KRT76: variants seen among roughly 807,000 people sequenced by gnomAD.
KRT76 encodes the protein keratin 76.
In KRT76, 47 loss-of-function variants were observed where a neutral mutation model predicts 44.9. That is an observed-to-expected ratio of 1.05 (90% CI 0.83 to 1.33). The LOEUF (loss-of-function observed/expected upper bound fraction) is 1.33. Among genes scored for constraint, KRT76 ranks in the 40% most tolerant of loss-of-function variants. The pLI, the probability that KRT76 is intolerant of heterozygous loss-of-function variation, is 0.00. For synonymous variants in KRT76, 331 were observed against 294.1 expected (o/e 1.13, Z -1.28); for missense variants, 860 against 775.8 (o/e 1.11, Z -1.29).
At position 52,777,308 on chromosome 12, in the gene KRT76, G is replaced by A. The variant is rs1939279590; in HGVS notation, c.-17C>T. 1 of 1,613,570 alleles carries A rather than the reference G, an allele frequency of 6.2e-7. No homozygotes were observed. On this transcript the variant is annotated 5_prime_UTR_variant, in exon 1 of 9. Transcript: ENST00000332411. ...TCTGTTCATAGTGAGAGAGCTTGGA[G>A]GCAAGCTAGTGATCACTTAGCAAGA... is the stretch of plus-strand genomic sequence containing the variant.
rs780550529 is a variant in KRT76 at position 52,772,142 on chromosome 12, C to T, written c.1089G>A (p.Glu363=). Residue 363 remains glutamate (E), a synonymous_variant, in exon 5 of 9, where the codon GAG becomes GAA. Transcript: ENST00000332411. ...IIAEVRAQYE[E]IAQRSKSEAE... ...CTTCAGACTTGCTCCTCTGGGCAATCTCCTCATACTGGGCGCGGACCTCGG... is the reference window on the plus strand; with the variant it reads ...CTTCAGACTTGCTCCTCTGGGCAATTTCCTCATACTGGGCGCGGACCTCGG... 2 of 1,613,524 alleles carry T rather than the reference C, an allele frequency of 1.2e-6. No individual in the cohort carries two copies. The highest frequency in any genetic ancestry group is 1.7e-5 in the Admixed American group (1 of 60,020).
At chr12:52,772,587 C>T (rs1199422029) in intron 4 of KRT76, among the ~76,000 whole-genome samples, 196 bp downstream of exon 4, 1 of 152,164 alleles carries the variant, frequency 6.6e-6, no homozygotes, top group African/African-American at 2.4e-5. Context: ...AGGTGCAGAG[C>T]AAAATGGCCT....
chr12:52,773,757 C>T (rs934417801), intron 2 of KRT76, 115 bp from the exon 3 acceptor site: 18 of 712,636 alleles, frequency 2.5e-5, no homozygotes, highest in Middle Eastern at 4.9e-4. Context: ...TTCATGGGCA[C>T]GTGCAGTTAC....
rs752856882 is a variant in KRT76, at chr12:52,776,821, T to A, written c.471A>T (p.Glu157Asp). The A allele has an allele frequency of 1.9e-6, 3 of 1,613,944 alleles. No individual in the cohort carries two copies. The highest frequency in any genetic ancestry group is 2.5e-6 in the Non-Finnish European group (3 of 1,180,000). Residue 157 changes from glutamate to aspartate, a missense_variant, in exon 1 of 9, where the codon GAA becomes GAT. Coordinates refer to ENST00000332411, the MANE Select transcript of KRT76 (RefSeq NM_015848.4). ...GPGGFPGGIQ[E>D]VIVNQSLLQP... is the part of the protein sequence containing the mutation. ...GCAGGAGACTCTGGTTTACAATCACTTCCTGAATTCCCCCAGGAAAGCCCC... is the reference window on the plus strand; with the variant it reads ...GCAGGAGACTCTGGTTTACAATCACATCCTGAATTCCCCCAGGAAAGCCCC...
chr12:52,771,075 C>G lies in KRT76; in HGVS notation c.1408G>C (p.Glu470Gln), dbSNP rs1344947595. 6.2e-7 allele frequency: 1 copy of G among 1,614,136 alleles called. No homozygotes were observed. Among genetic ancestry groups the G allele is most frequent in the Non-Finnish European group, 8.5e-7 (1 of 1,180,018 alleles). ...AGGGCCAGCTTGACGTTCATCAGCT[C>G]CTGGTAGTCACGCAGGAGCCGAGCC... is the stretch of plus-strand genomic sequence containing the variant. ...DLARLLRDYQ[E>Q]LMNVKLALDV... is the part of the protein sequence containing the mutation. The change falls in exon 7 of 9, where the codon GAG becomes CAG. Residue 470 changes from glutamate (E) to glutamine (Q), a missense_variant. Transcript: ENST00000332411.
At chr12:52,772,029 T>C in intron 5 of KRT76, 33 bp from the exon 6 acceptor site, 1 of 1,610,902 alleles carries the variant, frequency 6.2e-7, no homozygotes, top group Non-Finnish European at 8.5e-7. Context: ...ACGTGGCTTT[T>C]GCAAAGTGTT....
Position 52,769,054 on chromosome 12 carries a change from A to G in KRT76, c.1576T>C (p.Phe526Leu), listed in dbSNP as rs1939139270. 2.7e-6 allele frequency: 2 copies of G among 734,970 alleles called. No homozygotes were observed. 45.5% of individuals were successfully genotyped at this position (734,970 alleles called of 1,614,324 possible). A position where few individuals can be genotyped will look rare whatever the true frequency, so the allele number is the denominator to read the frequency against. Residue 526 changes from phenylalanine to leucine, a missense_variant, in exon 9 of 9, where the codon TTT (phenylalanine) becomes CTT (leucine). Transcript: ENST00000332411. ...CTGCCACTGCCACTGACCCCTCCAA[A>G]AACTCCACGGCTACTGCCAGAGCTG... The part of the protein sequence containing the change: ...SGSSGSSRGV[F>L]GGVSGSGSGG...
chr12:52,776,357 C>T (rs978420002), intron 1 of KRT76, among the ~76,000 whole-genome samples: 2 of 152,216 alleles, frequency 1.3e-5, no homozygotes, highest in Non-Finnish European at 2.9e-5. Context: ...CAAGCAATTG[C>T]TTTTCAGGAG....
Position 52,771,229 on chromosome 12 carries a change from A to G in KRT76, c.1264-10T>C. The stretch of plus-strand genomic sequence containing the variant: ...TCTGCAGGTTGGCATTCTGAGGTAG[A>G]AAATCAATTAGCATAGTGACCCGGA... On this transcript the variant is annotated splice_polypyrimidine_tract_variant and intron_variant, in intron 6 of 8. Coordinates refer to ENST00000332411, the MANE Select transcript of KRT76 (RefSeq NM_015848.4). 1 of 1,613,760 alleles carries G rather than the reference A, an allele frequency of 6.2e-7. No homozygotes were observed. Among genetic ancestry groups the G allele is most frequent in the Non-Finnish European group, 8.5e-7 (1 of 1,179,786 alleles).
Position 52,773,624 on chromosome 12 carries a change from G to A in KRT76, c.834C>T (p.Asn278=). ...ACTCATTCTCTGCGGCAGTGCGTTT[G>A]TTGATTTCATCTTCATACCTGGAAC... ...DFKKKYEDEI[N]KRTAAENEFV... Residue 278 remains asparagine (N), a synonymous_variant, in exon 3 of 9, where the codon AAC becomes AAT. Transcript: ENST00000332411. 2 of 1,613,332 alleles carry A rather than the reference G, an allele frequency of 1.2e-6. No individual in the cohort carries two copies. The highest frequency in any genetic ancestry group is 1.7e-6 in the Non-Finnish European group (2 of 1,179,418).
rs200370189 is a variant in KRT76, at chr12:52,771,098, G to A, written c.1385C>T (p.Ala462Val). The part of the protein sequence containing the change: ...TALQKAKDDL[A>V]RLLRDYQELM... ...CTCCTGGTAGTCACGCAGGAGCCGAGCCAGGTCATCCTTAGCCTTCTGTAG... is the reference window on the plus strand; with the variant it reads ...CTCCTGGTAGTCACGCAGGAGCCGAACCAGGTCATCCTTAGCCTTCTGTAG... Residue 462 changes from alanine to valine, a missense_variant, in exon 7 of 9, where the codon GCT becomes GTT. Transcript: ENST00000332411. 3.7e-6 allele frequency: 6 copies of A among 1,614,040 alleles called. No homozygotes were observed. The highest frequency in any genetic ancestry group is 5.1e-6 in the Non-Finnish European group (6 of 1,180,034).
chr12:52,775,985 C>A (rs1939255696), intron 1 of KRT76, among the ~76,000 whole-genome samples: 1 of 148,598 alleles, frequency 6.7e-6, no homozygotes, highest in Non-Finnish European at 1.5e-5. Flanking sequence ...TTCAGAATAC[C>A]ACTGAAGGAG....
rs1939133425 is a variant in KRT76, at chr12:52,768,890, A to G, written c.1740T>C (p.Ser580=). Residue 580 remains serine (S), a synonymous_variant, in exon 9 of 9, where the codon AGT becomes AGC. Coordinates refer to ENST00000332411, the MANE Select transcript of KRT76 (RefSeq NM_015848.4). ...CTGCACCGCCGAGCCTGCTCCCACTACTGCTGCTCTGGTAGCTCCCGCTGC... is the reference window on the plus strand; with the variant it reads ...CTGCACCGCCGAGCCTGCTCCCACTGCTGCTGCTCTGGTAGCTCCCGCTGC... ...RGSSGSYQSS[S]SGSRLGGAGS... 3.1e-6 allele frequency: 5 copies of G among 1,612,808 alleles called. No individual in the cohort carries two copies. Among genetic ancestry groups the G allele is most frequent in the Non-Finnish European group, 4.2e-6 (5 of 1,179,180 alleles).
Position 52,771,996 on chromosome 12 carries a change from G to C in KRT76, c.1138C>G (p.Leu380Val). The C allele has an allele frequency of 1.2e-6, 2 of 1,613,240 alleles. No homozygotes were observed. The highest frequency in any genetic ancestry group is 1.7e-6 in the Non-Finnish European group (2 of 1,179,680). The change falls in exon 6 of 9, where the codon CTT becomes GTT. Residue 380 changes from leucine to valine, a missense_variant and splice_region_variant. Transcript: ENST00000332411. The part of the protein sequence containing the change: ...SEAEALYQTK[L>V]GELQTTAGRH... ...CCAGCTGTGGTCTGCAGCTCCCCAA[G>C]CTGACAGAGGAAAAACCAATCAACG...
chr12:52,777,249 G>C lies in KRT76; in HGVS notation c.43C>G (p.Gln15Glu). The C allele has an allele frequency of 6.2e-7, 1 of 1,614,220 alleles. No individual in the cohort carries two copies. The highest frequency in any genetic ancestry group is 8.5e-7 in the Non-Finnish European group (1 of 1,180,040). Residue 15 changes from glutamine (Q) to glutamate (E), a missense_variant, in exon 1 of 9, where the codon CAG (glutamine) becomes GAG (glutamate). Coordinates refer to ENST00000332411, the MANE Select transcript of KRT76 (RefSeq NM_015848.4). ...ACAGCAGAGCGGCCAGAGAAACCCTGGCTCCTGCCACTGAAGGATTTCTTG... is the reference window on the plus strand; with the variant it reads ...ACAGCAGAGCGGCCAGAGAAACCCTCGCTCCTGCCACTGAAGGATTTCTTG... ...VCKKSFSGRS[Q>E]GFSGRSAVVS...
chr12:52,768,596 G>T lies in KRT76; in HGVS notation c.*117C>A. 2.5e-6 allele frequency: 3 copies of T among 1,202,514 alleles called. No individual in the cohort carries two copies. The highest frequency in any genetic ancestry group is 3.5e-6 in the Non-Finnish European group (3 of 859,038). The allele number at this position is 1,202,514 out of a possible 1,614,324, so 74.5% of individuals were successfully genotyped here. Reference sequence around the variant, plus strand: ...CCAGGAGTTCAGCTTCTTCTCCAGGGAACTTGAGGAAAAATGTGGTTGACC... The same window carrying T: ...CCAGGAGTTCAGCTTCTTCTCCAGGTAACTTGAGGAAAAATGTGGTTGACC... On this transcript the variant is annotated 3_prime_UTR_variant, in exon 9 of 9. Transcript: ENST00000332411.
At position 52,771,024 on chromosome 12, in the gene KRT76, T is replaced by G; in HGVS notation, c.1459A>C (p.Lys487Gln). ...CTGCACTCCTCTCCCTCCAGCAGCT[T>G]GCGGTAGGTGGCAATCTCCACATCC... Reference protein sequence around the residue: ...ALDVEIATYRKLLEGEECRMS... With the variant: ...ALDVEIATYRQLLEGEECRMS... The change falls in exon 7 of 9, where the codon AAG becomes CAG. Residue 487 changes from lysine (K) to glutamine (Q), a missense_variant. Physicochemically the swap from Lys to Gln is moderately conservative, Grantham distance 53. Coordinates refer to ENST00000332411, the MANE Select transcript of KRT76 (RefSeq NM_015848.4). 1 of 1,614,062 alleles carries G rather than the reference T, an allele frequency of 6.2e-7. No homozygotes were observed. The highest frequency in any genetic ancestry group is 8.5e-7 in the Non-Finnish European group (1 of 1,180,022).
At position 52,773,598 on chromosome 12, in the gene KRT76, A is replaced by G. The variant is rs111308758; in HGVS notation, c.860T>C (p.Phe287Ser). ...CTCACCTACCTTCTTGAGCCCCACA[A>G]ACTCATTCTCTGCGGCAGTGCGTTT... ...INKRTAAENEFVGLKKDVDAA... is the reference protein window; with the variant it reads ...INKRTAAENESVGLKKDVDAA... Residue 287 changes from phenylalanine to serine, a missense_variant, in exon 3 of 9, where the codon TTT becomes TCT. Transcript: ENST00000332411. 5 of 1,613,374 alleles carry G rather than the reference A, an allele frequency of 3.1e-6. No individual in the cohort carries two copies. The highest frequency in any genetic ancestry group is 1.7e-4 in the Middle Eastern group (1 of 6,060).
chr12:52,773,482 A>G (rs1440349742), intron 3 of KRT76, 100 bp downstream of exon 3: 8 of 775,380 alleles, frequency 1.0e-5, no homozygotes, highest in East Asian at 2.5e-5. Flanking sequence ...CCCACACACA[A>G]TATAAGGTCC....
Sources: gnomAD v4.1 joint callset for allele counts (sites outside exome capture counted in the v4.1 genomes callset) on GRCh38, gnomAD v4.1.1 for gene constraint, MANE v1.5 for transcripts, NCBI Gene and HGNC (gene_info 2026-07-23, HGNC 2026-07-21) for gene names.